The following DAPL1 variants were observed in gnomAD, a reference collection of about 807,000 sequenced individuals.
The protein encoded by DAPL1 is death-associated protein-like 1.
A neutral mutation model predicts 12.9 loss-of-function variants in DAPL1; 17 were observed. The ratio of observed to expected loss-of-function variants is 1.32; its 90% CI spans 0.90 to 1.98. The LOEUF is 1.98. Among genes scored for constraint, DAPL1 ranks in the 30% most tolerant of loss-of-function variants. DAPL1 has a pLI of 0.00. For missense variants in DAPL1, 157 were observed against 125.7 expected, an observed-to-expected ratio of 1.25 and a Z score of -1.19; for synonymous variants, 51 against 42.0, an observed-to-expected ratio of 1.21 and a Z score of -0.82.
intron 3 of DAPL1, among the ~76,000 whole-genome samples, chr2:158,815,345 T>C (rs974908752): frequency 1.3e-5 from 2 of 152,262 alleles, no homozygotes; most frequent in Non-Finnish European, 2.9e-5. Flanking sequence ...GTCCCCACTC[T>C]GGACCTTCTC....
chr2:158,815,919 T>G lies in DAPL1; in HGVS notation c.*98T>G. 1 of 848,626 alleles carries G rather than the reference T, an allele frequency of 1.2e-6. No individual in the cohort carries two copies. The highest frequency in any genetic ancestry group is 2.5e-5 in the East Asian group (1 of 40,808). The allele number at this position is 848,626 out of a possible 1,614,324, so 52.6% of individuals were successfully genotyped here. On this transcript the variant is annotated 3_prime_UTR_variant, in exon 4 of 4. Coordinates refer to ENST00000309950, the MANE Select transcript of DAPL1 (RefSeq NM_001017920.3). Reference sequence around the variant, plus strand: ...TTTCCATAGGCGTGCTGCACTTGCTTGGTAAATTAAGCAGCTTTTGTATCT... The same window carrying G: ...TTTCCATAGGCGTGCTGCACTTGCTGGGTAAATTAAGCAGCTTTTGTATCT...
intron 2 of DAPL1, among the ~76,000 whole-genome samples, chr2:158,806,418 A>G (rs1277987713): frequency 6.6e-6 from 1 of 152,248 alleles, no homozygotes; most frequent in Non-Finnish European, 1.5e-5. Flanking sequence ...CTTTGGGGCT[A>G]TAAATGAGGA....
chr2:158,806,971 A>G (rs1345329635), intron 2 of DAPL1, 84 bp from the exon 3 acceptor site: 2 of 1,006,294 alleles, frequency 2.0e-6, no homozygotes, highest in East Asian at 5.1e-5. Context: ...AAAAGGCTGG[A>G]GAGACAGCCC....
At position 158,807,122 on chromosome 2, in the gene DAPL1, C is replaced by G. The variant is rs746168420; in HGVS notation, c.207+7C>G. On this transcript the variant is annotated splice_region_variant and intron_variant, in intron 3 of 3. Coordinates refer to ENST00000309950, the MANE Select transcript of DAPL1 (RefSeq NM_001017920.3). The stretch of plus-strand genomic sequence containing the variant: ...GAATGACGCACTGGAGAAGGTGAGC[C>G]GTGGGCAAATCACATAGCGCTCCAA... The G allele has an allele frequency of 1.2e-6, 2 of 1,604,626 alleles. No homozygotes were observed. Among genetic ancestry groups the G allele is most frequent in the South Asian group, 1.1e-5 (1 of 89,824 alleles).
chr2:158,796,434 A>T (rs1192889622), intron 1 of DAPL1, among the ~76,000 whole-genome samples: 1 of 152,204 alleles, frequency 6.6e-6, no homozygotes, highest in Non-Finnish European at 1.5e-5. Flanking sequence ...TTTACTACTC[A>T]TTCTGAGTTT....
At chr2:158,815,427 A>C (rs2059254686) in intron 3 of DAPL1, among the ~76,000 whole-genome samples, 1 of 152,214 alleles carries the variant, frequency 6.6e-6, no homozygotes, top group African/African-American at 2.4e-5. Flanking sequence ...ATTGCTAACA[A>C]CACAGAGAAC....
rs185033064 is a variant in DAPL1 at position 158,813,829 on chromosome 2, G to A, written c.208-1876G>A. On this transcript the variant is annotated intron_variant, in intron 3 of 3. Coordinates refer to ENST00000309950, the MANE Select transcript of DAPL1 (RefSeq NM_001017920.3). ...CTTGGCCTCCCAAAGTGCTGGGATT[G>A]CAGGTGTGGGCCACCGAGCCCGGCC... 1.7e-3 allele frequency among the ~76,000 whole-genome samples: 265 copies of A among 152,114 alleles called. 1 individual carries two copies. Among genetic ancestry groups the A allele is most frequent in the East Asian group, 7.6e-3 (39 of 5,146 alleles).
In DAPL1 at chr2:158,813,648, T is replaced by C. The variant is rs549684277; in HGVS notation, c.208-2057T>C. 2.9e-3 allele frequency among the ~76,000 whole-genome samples: 431 copies of C among 147,734 alleles called. 4 individuals carry two copies. Among genetic ancestry groups the C allele is most frequent in the African/African-American group, 9.8e-3 (398 of 40,466 alleles). The stretch of plus-strand genomic sequence containing the variant: ...TCGGCTCACTGCAACCTCCGCCTCC[T>C]GGGTTCATGCCATTCTCCTGCCTCA... On this transcript the variant is annotated intron_variant, in intron 3 of 3. Coordinates refer to ENST00000309950, the MANE Select transcript of DAPL1 (RefSeq NM_001017920.3).
At chr2:158,803,289 T>A (rs2059179169) in intron 1 of DAPL1, among the ~76,000 whole-genome samples, 1 of 152,160 alleles carries the variant, frequency 6.6e-6, no homozygotes, top group South Asian at 2.1e-4. Context: ...GCAGATAAGA[T>A]AACCAAGACA....
At chr2:158,802,573 G>C (rs1368947497) in intron 1 of DAPL1, among the ~76,000 whole-genome samples, 1 of 152,156 alleles carries the variant, frequency 6.6e-6, no homozygotes, top group Non-Finnish European at 1.5e-5. Context: ...GTCAAGGATG[G>C]TTTTCTTTAC....
intron 1 of DAPL1, among the ~76,000 whole-genome samples, chr2:158,798,311 C>T (rs963960073): frequency 3.9e-5 from 6 of 152,180 alleles, no homozygotes; most frequent in Non-Finnish European, 7.3e-5. Flanking sequence ...CAACCATAAA[C>T]TGCATATGGA....
At chr2:158,804,803 C>T (rs528255377) in intron 2 of DAPL1, among the ~76,000 whole-genome samples, 31 of 152,284 alleles carry the variant, frequency 2.0e-4, no homozygotes, top group African/African-American at 6.7e-4. Flanking sequence ...TTGTTTTAAA[C>T]CCATCACTGA....
In DAPL1 at chr2:158,813,680, A is replaced by C. The variant is rs1047274888; in HGVS notation, c.208-2025A>C. 4.3e-4 allele frequency among the ~76,000 whole-genome samples: 65 copies of C among 150,324 alleles called. 1 individual carries two copies. The highest frequency in any genetic ancestry group is 2.0e-4 in the East Asian group (1 of 5,028). On this transcript the variant is annotated intron_variant, in intron 3 of 3. Coordinates refer to ENST00000309950, the MANE Select transcript of DAPL1 (RefSeq NM_001017920.3). ...ATGCCATTCTCCTGCCTCAGCCTCC[A>C]GAGTAGCTGGGACTACAGTCGCTCG...
intron 3 of DAPL1, among the ~76,000 whole-genome samples, chr2:158,809,409 T>C (rs947000169): frequency 1.3e-5 from 2 of 149,478 alleles, no homozygotes; most frequent in Non-Finnish European, 3.0e-5. Flanking sequence ...TTTTAAAATA[T>C]ACCTTTGTGC....
intron 3 of DAPL1, among the ~76,000 whole-genome samples, chr2:158,813,557 C>CTTT (rs11355982): frequency 7.5e-6 from 1 of 132,892 alleles, no homozygotes; most frequent in Non-Finnish European, 1.6e-5. Flanking sequence ...TTTCCTTTTT[C>CTTT]TTTTTTTTTT....
At chr2:158,803,748 G>GT (rs1182816951) in intron 1 of DAPL1, among the ~76,000 whole-genome samples, 1 of 152,152 alleles carries the variant, frequency 6.6e-6, no homozygotes, top group East Asian at 1.9e-4. Context: ...TGGATGGAAG[G>GT]TGGGTATCTG....
intron 3 of DAPL1, among the ~76,000 whole-genome samples, chr2:158,813,413 T>C (rs751405620): frequency 1.3e-5 from 2 of 152,210 alleles, no homozygotes; most frequent in Non-Finnish European, 1.5e-5. Flanking sequence ...TTGTATATCT[T>C]AGCACAATTT....
intron 1 of DAPL1, among the ~76,000 whole-genome samples, chr2:158,800,013 G>A (rs375593899): frequency 2.0e-3 from 298 of 148,426 alleles, no homozygotes; most frequent in African/African-American, 7.0e-3. Flanking sequence ...GCAGTGAGCC[G>A]AGATCGCTCC....
At chr2:158,809,738 A>G (rs1303106687) in intron 3 of DAPL1, among the ~76,000 whole-genome samples, 3 of 152,196 alleles carry the variant, frequency 2.0e-5, no homozygotes, top group Non-Finnish European at 4.4e-5. Flanking sequence ...TCCTGCCTTC[A>G]CTTGGAATCC....
Sources: allele counts gnomAD v4.1 joint callset (sites outside exome capture counted in the v4.1 genomes callset), GRCh38; gene constraint gnomAD v4.1.1; transcripts MANE v1.5; gene names NCBI Gene and HGNC (gene_info 2026-07-23, HGNC 2026-07-21).